Variants in RAMP1 observed in about 807,000 individuals in gnomAD.
RAMP1 encodes the protein receptor activity-modifying protein 1.
RAMP1 carries 7 observed loss-of-function variants against 8.2 expected under a neutral mutation model. The observed-to-expected ratio is 0.85, with a 90% confidence interval of 0.49 to 1.60. RAMP1 has a LOEUF of 1.60. Among genes scored for constraint, RAMP1 ranks in the 40% most tolerant of loss-of-function variants. RAMP1 has a pLI of 0.00. For synonymous variants in RAMP1, 92 were observed against 84.7 expected (o/e 1.09, Z -0.47); for missense variants, 192 against 202.4 (o/e 0.95, Z 0.31).
intron 1 of RAMP1, among the ~76,000 whole-genome samples, chr2:237,860,862 A>G (rs145025618): frequency 2.2e-3 from 335 of 152,190 alleles, no homozygotes; most frequent in African/African-American, 7.1e-3. Context: ...TCTGTTCCCT[A>G]TTTGTAAACC....
chr2:237,870,504 G>A (rs2062234859), intron 1 of RAMP1, among the ~76,000 whole-genome samples: 1 of 152,242 alleles, frequency 6.6e-6, no homozygotes, highest in Non-Finnish European at 1.5e-5. Flanking sequence ...AATACTTACA[G>A]AGGCTTCCGA....
intron 1 of RAMP1, among the ~76,000 whole-genome samples, chr2:237,876,660 C>G (rs2062308345): frequency 1.3e-5 from 2 of 152,134 alleles, no homozygotes; most frequent in African/African-American, 4.8e-5. Flanking sequence ...CCCGCCCCCA[C>G]CCAGCCAGCA....
chr2:237,879,557 GTA>G, intron 2 of RAMP1, among the ~76,000 whole-genome samples: 1 of 139,290 alleles, frequency 7.2e-6, no homozygotes, highest in South Asian at 2.6e-4. Flanking sequence ...TGTTACGTAT[GTA>G]TACATGTGCC....
At chr2:237,885,986 C>T (rs1159972555) in intron 2 of RAMP1, among the ~76,000 whole-genome samples, 1 of 152,164 alleles carries the variant, frequency 6.6e-6, no homozygotes, top group Non-Finnish European at 1.5e-5. Context: ...CTATGGCTTA[C>T]AGAGGAGAAG....
At chr2:237,880,553 C>A (rs6722961) in intron 2 of RAMP1, among the ~76,000 whole-genome samples, 27,830 of 152,102 alleles carry the variant, frequency 0.18, 2,653 homozygotes, top group Middle Eastern at 0.25. Context: ...CGGAACCATA[C>A]AGGTGCTAGA....
intron 1 of RAMP1, among the ~76,000 whole-genome samples, chr2:237,869,371 G>A (rs191966338): frequency 1.3e-5 from 2 of 152,192 alleles, no homozygotes; most frequent in African/African-American, 2.4e-5. Flanking sequence ...TACAACCATC[G>A]CCACTATCCA....
intron 2 of RAMP1, among the ~76,000 whole-genome samples, chr2:237,904,214 C>T (rs2062632922): frequency 6.6e-6 from 1 of 150,612 alleles, no homozygotes. Flanking sequence ...GAGATCAAGA[C>T]CATCCTGGCT....
intron 1 of RAMP1, among the ~76,000 whole-genome samples, chr2:237,870,227 A>T (rs758256382): frequency 7.2e-5 from 11 of 152,118 alleles, no homozygotes; most frequent in Non-Finnish European, 4.4e-5. Flanking sequence ...TTTCTTGTGG[A>T]TTTTAATGTT....
intron 2 of RAMP1, among the ~76,000 whole-genome samples, chr2:237,879,663 G>T (rs2062346451): frequency 7.6e-6 from 1 of 131,930 alleles, no homozygotes; most frequent in Admixed American, 7.3e-5. Context: ...TGCACGTTGT[G>T]CACATGTGCC....
chr2:237,906,313 G>A (rs2062650402), intron 2 of RAMP1, among the ~76,000 whole-genome samples: 2 of 152,104 alleles, frequency 1.3e-5, no homozygotes, highest in African/African-American at 4.8e-5. Flanking sequence ...CATCTACTAG[G>A]CCTCTTGGAT....
chr2:237,861,693 CA>C lies in RAMP1; in HGVS notation c.52+1974del, dbSNP rs575944904. Among the ~76,000 whole-genome samples the C allele has an allele frequency of 2.4e-3, 366 of 151,600 alleles. 2 individuals carry two copies. The highest frequency in any genetic ancestry group is 8.7e-3 in the African/African-American group (359 of 41,342). ...TGAAACCCCGTCTCTACTAAAAATA[CA>C]AAAAAAATTAGGCAGGCATGGTGGC... On this transcript the variant is annotated intron_variant, in intron 1 of 2. Transcript: ENST00000254661.
Position 237,877,434 on chromosome 2 carries a change from C to T in RAMP1, c.191+72C>T. ...AGGGGGCAAGCGGAGGAGGAGTGGACCACGTGGGAGCTGTGGAAGATCCTT... is the reference window on the plus strand; with the variant it reads ...AGGGGGCAAGCGGAGGAGGAGTGGATCACGTGGGAGCTGTGGAAGATCCTT... On this transcript the variant is annotated intron_variant, in intron 2 of 2. Transcript: ENST00000254661. This position sits in a 1 kb window ranked among gnomAD's most constrained non-coding sequence, Gnocchi z 4.4. 1 of 1,547,518 alleles carries T rather than the reference C, an allele frequency of 6.5e-7. No individual in the cohort carries two copies. The highest frequency in any genetic ancestry group is 8.7e-7 in the Non-Finnish European group (1 of 1,145,460).
chr2:237,884,157 T>C lies in RAMP1; in HGVS notation c.191+6795T>C, dbSNP rs990096538. ...TTCCTGAGCCCTTTCTAACACGTGT[T>C]GGGTGTCTTCCACTCAGCTACATGG... On this transcript the variant is annotated intron_variant, in intron 2 of 2. Coordinates refer to ENST00000254661, the MANE Select transcript of RAMP1 (RefSeq NM_005855.4). Among the ~76,000 whole-genome samples, 4 of 152,166 alleles carry C rather than the reference T, an allele frequency of 2.6e-5. No homozygotes were observed. In the East Asian group the frequency reaches 5.8e-4, roughly 22 times the overall value.
intron 2 of RAMP1, among the ~76,000 whole-genome samples, chr2:237,887,098 G>T (rs1316143779): frequency 6.6e-6 from 1 of 152,056 alleles, no homozygotes; most frequent in Admixed American, 6.5e-5. Flanking sequence ...AGGGGTGGGG[G>T]TGGGGTGGGG....
intron 2 of RAMP1, among the ~76,000 whole-genome samples, chr2:237,879,263 C>T (rs755830029): frequency 1.1e-4 from 17 of 151,872 alleles, no homozygotes; most frequent in South Asian, 6.3e-4. Flanking sequence ...TGATTGTGAA[C>T]GGGAGGCCTG....
At chr2:237,899,311 C>A (rs2062575419) in intron 2 of RAMP1, among the ~76,000 whole-genome samples, 2 of 152,232 alleles carry the variant, frequency 1.3e-5, no homozygotes, top group South Asian at 4.1e-4. Flanking sequence ...CCTCAGGTGA[C>A]CCGCCCGCCT....
chr2:237,881,641 A>G (rs2062369313), intron 2 of RAMP1, among the ~76,000 whole-genome samples: 1 of 152,258 alleles, frequency 6.6e-6, no homozygotes, highest in Non-Finnish European at 1.5e-5. Flanking sequence ...TCTCAGCAGC[A>G]TGTGAGTTTG....
rs891728081 is a variant in RAMP1, at chr2:237,877,894, C to G, written c.191+532C>G. The G allele has an allele frequency of 1.2e-4, 110 of 942,284 alleles. No individual in the cohort carries two copies. Among genetic ancestry groups the G allele is most frequent in the Admixed American group, 3.7e-4 (6 of 16,242 alleles). The allele number at this position is 942,284 out of a possible 1,614,324, so 58.4% of individuals were successfully genotyped here. A position where few individuals can be genotyped will look rare whatever the true frequency, so the allele number is the denominator to read the frequency against. ...CCCCACCTGGCCCGATCCTCCTGCC[C>G]AAGGGCCCTTCTTCCCGCTTGAGGG... On this transcript the variant is annotated intron_variant, in intron 2 of 2. Transcript: ENST00000254661. This position sits in a 1 kb window ranked among gnomAD's most constrained non-coding sequence, Gnocchi z 4.4.
At chr2:237,892,249 C>T (rs1282206063) in intron 2 of RAMP1, among the ~76,000 whole-genome samples, 2 of 151,048 alleles carry the variant, frequency 1.3e-5, no homozygotes, top group East Asian at 3.9e-4. Flanking sequence ...ATTGTTGAAA[C>T]ACCATGTGTT....
Sources: allele counts gnomAD v4.1 joint callset (sites outside exome capture counted in the v4.1 genomes callset), GRCh38; gene constraint gnomAD v4.1.1; non-coding constraint Gnocchi (gnomAD v3.1); transcripts MANE v1.5; gene names NCBI Gene and HGNC (gene_info 2026-07-23, HGNC 2026-07-21).